Variants in CAMK2D observed in about 807,000 individuals in gnomAD.
The protein encoded by CAMK2D is calcium/calmodulin-dependent protein kinase type II subunit delta.
CAMK2D carries 37 observed loss-of-function variants against 84.0 expected under a neutral mutation model. The observed-to-expected ratio is 0.44, with a 90% confidence interval of 0.34 to 0.58. CAMK2D has a LOEUF of 0.58. CAMK2D is among the 20% of genes least tolerant of loss of function. CAMK2D has a pLI of 0.02. For missense variants in CAMK2D, 448 were observed against 652.5 expected, an observed-to-expected ratio of 0.69 and a Z score of 3.41; for synonymous variants, 202 against 212.5, an observed-to-expected ratio of 0.95 and a Z score of 0.43.
At chr4:113,549,938 T>C (rs1455730216) in intron 5 of CAMK2D, among the ~76,000 whole-genome samples, 4 of 152,204 alleles carry the variant, frequency 2.6e-5, no homozygotes, top group Non-Finnish European at 5.9e-5. Flanking sequence ...TTGGTCATTA[T>C]TTTTAAACCA....
intron 3 of CAMK2D, among the ~76,000 whole-genome samples, chr4:113,649,654 A>C (rs2099165168): frequency 1.3e-5 from 2 of 152,242 alleles, no homozygotes; most frequent in African/African-American, 4.8e-5. Flanking sequence ...AGTTGCATAC[A>C]TAATTATTTG....
At chr4:113,689,147 G>A (rs1457728230) in intron 2 of CAMK2D, among the ~76,000 whole-genome samples, 1 of 152,146 alleles carries the variant, frequency 6.6e-6, no homozygotes, top group African/African-American at 2.4e-5. Flanking sequence ...TTGGGAGGCT[G>A]AGGCAGGGGA....
intron 16 of CAMK2D, among the ~76,000 whole-genome samples, chr4:113,488,075 GATAAAGCC>G (rs1490535177): frequency 6.6e-6 from 1 of 151,606 alleles, no homozygotes; most frequent in Non-Finnish European, 1.5e-5. Context: ...TAAAAAAAGT[GATAAAGCC>G]ATAATCTGAA....
At chr4:113,709,995 C>G (rs1271073623) in intron 2 of CAMK2D, among the ~76,000 whole-genome samples, 2 of 150,962 alleles carry the variant, frequency 1.3e-5, no homozygotes, top group East Asian at 3.9e-4. Context: ...AGAAACAAAA[C>G]AGAGAAAGAA....
intron 2 of CAMK2D, among the ~76,000 whole-genome samples, chr4:113,708,019 C>G (rs956634911): frequency 7.2e-5 from 11 of 152,038 alleles, no homozygotes; most frequent in African/African-American, 2.7e-4. Context: ...ATGAAACTTC[C>G]CTGAATTTTT....
intron 2 of CAMK2D, among the ~76,000 whole-genome samples, chr4:113,685,907 A>C (rs1292539496): frequency 6.6e-6 from 1 of 152,088 alleles, no homozygotes; most frequent in African/African-American, 2.4e-5. Flanking sequence ...TCTACTAAAA[A>C]TACAAAATTA....
chr4:113,637,250 TAAA>T (rs1341623101), intron 3 of CAMK2D, among the ~76,000 whole-genome samples: 1 of 152,214 alleles, frequency 6.6e-6, no homozygotes, highest in Non-Finnish European at 1.5e-5. Flanking sequence ...TGACAGATAT[TAAA>T]AAAGATTTGC....
At chr4:113,744,384 T>C (rs995085486) in intron 2 of CAMK2D, among the ~76,000 whole-genome samples, 1 of 152,286 alleles carries the variant, frequency 6.6e-6, no homozygotes, top group Middle Eastern at 3.4e-3. Flanking sequence ...TCTTCATTTC[T>C]CTCTACTTCT....
intron 2 of CAMK2D, among the ~76,000 whole-genome samples, chr4:113,718,706 C>T (rs1312319875): frequency 6.6e-6 from 1 of 152,174 alleles, no homozygotes; most frequent in East Asian, 1.9e-4. Context: ...CTAAGTTCCT[C>T]CCGAAGTTAG....
chr4:113,491,764 C>T (rs1200630195), intron 16 of CAMK2D, among the ~76,000 whole-genome samples: 1 of 152,104 alleles, frequency 6.6e-6, no homozygotes, highest in Non-Finnish European at 1.5e-5. Flanking sequence ...GTGAATCCAT[C>T]TGGTCCTGGA....
intron 8 of CAMK2D, among the ~76,000 whole-genome samples, chr4:113,522,402 T>C (rs1012710304): frequency 1.3e-5 from 2 of 152,236 alleles, no homozygotes; most frequent in Non-Finnish European, 2.9e-5. Context: ...TGTTGTAGTA[T>C]GATTAATGGA....
chr4:113,538,897 G>A (rs1317882195), intron 6 of CAMK2D, among the ~76,000 whole-genome samples: 1 of 152,106 alleles, frequency 6.6e-6, no homozygotes, highest in Non-Finnish European at 1.5e-5. Context: ...CTATTATGAC[G>A]ACCGGTAAAT....
intron 4 of CAMK2D, among the ~76,000 whole-genome samples, chr4:113,565,674 C>T (rs1029067148): frequency 5.6e-5 from 8 of 143,616 alleles, no homozygotes; most frequent in Non-Finnish European, 1.0e-4. Flanking sequence ...AAAGAAGTCA[C>T]ACAAAAAAAA....
intron 2 of CAMK2D, among the ~76,000 whole-genome samples, chr4:113,680,620 G>GT (rs1173346165): frequency 1.4e-4 from 21 of 152,198 alleles, no homozygotes; most frequent in African/African-American, 5.1e-4. Context: ...CAACTCTAGG[G>GT]TAAGTTCCTC....
chr4:113,694,417 C>T (rs935140180), intron 2 of CAMK2D, among the ~76,000 whole-genome samples: 6 of 152,118 alleles, frequency 3.9e-5, no homozygotes, highest in African/African-American at 1.4e-4. Flanking sequence ...GCATCGTGCA[C>T]ATCACTAAAA....
intron 2 of CAMK2D, among the ~76,000 whole-genome samples, chr4:113,732,247 C>T (rs1462149748): frequency 6.6e-6 from 1 of 152,052 alleles, no homozygotes. Flanking sequence ...CCTCAGCCTC[C>T]CAGGTAGCTG....
chr4:113,759,273 C>T (rs754433693), intron 2 of CAMK2D, 47 bp downstream of exon 2: 11 of 1,185,392 alleles, frequency 9.3e-6, no homozygotes, highest in Non-Finnish European at 1.4e-5. Flanking sequence ...CTATAATCAA[C>T]ATGACAAATA....
At chr4:113,637,148 C>T (rs1243866033) in intron 3 of CAMK2D, among the ~76,000 whole-genome samples, 4 of 152,100 alleles carry the variant, frequency 2.6e-5, no homozygotes, top group African/African-American at 9.7e-5. Context: ...TATTCACAGC[C>T]CCTGTTCCCA....
At chr4:113,510,946 C>T (rs1445551324) in intron 12 of CAMK2D, among the ~76,000 whole-genome samples, 1 of 151,966 alleles carries the variant, frequency 6.6e-6, no homozygotes. Flanking sequence ...AGCTAAAAAG[C>T]AGTATTAAAT....
Sources: allele counts gnomAD v4.1 joint callset (sites outside exome capture counted in the v4.1 genomes callset), GRCh38; gene constraint gnomAD v4.1.1; transcripts MANE v1.5; gene names NCBI Gene and HGNC (gene_info 2026-07-23, HGNC 2026-07-21).